CLHC1: variants seen among roughly 807,000 people sequenced by gnomAD.
CLHC1 encodes the protein clathrin heavy chain linker domain-containing protein 1.
In CLHC1, 72 loss-of-function variants were observed where a neutral mutation model predicts 69.5. The observed-to-expected ratio is 1.04, with a 90% confidence interval of 0.86 to 1.26. CLHC1 has a LOEUF of 1.26. Ranked by LOEUF, CLHC1 falls within the 50% of genes most tolerant of loss-of-function variation. CLHC1 has a pLI of 0.00. For synonymous variants in CLHC1, 223 were observed against 224.3 expected, an observed-to-expected ratio of 0.99 and a Z score of 0.05; for missense variants, 790 against 679.3, an observed-to-expected ratio of 1.16 and a Z score of -1.81.
chr2:55,201,243 TA>T (rs35586370), intron 9 of CLHC1, among the ~76,000 whole-genome samples: 472 of 141,172 alleles, frequency 3.3e-3, no homozygotes, highest in South Asian at 0.01. Context: ...ATGAAGAGTT[TA>T]AAAAAAAAAA....
At chr2:55,215,520 G>A (rs139345842) in intron 4 of CLHC1, among the ~76,000 whole-genome samples, 3 of 152,036 alleles carry the variant, frequency 2.0e-5, no homozygotes, top group Non-Finnish European at 4.4e-5. Flanking sequence ...AGAACATTTC[G>A]TTGGCCCCAG....
intron 3 of CLHC1, 121 bp from the exon 4 acceptor site, chr2:55,218,119 C>G (rs1390676876): frequency 1.9e-6 from 1 of 514,170 alleles, no homozygotes; most frequent in African/African-American, 2.0e-5. Flanking sequence ...AATTAGAAAT[C>G]TAAACTCTAC....
chr2:55,186,884 A>C (rs563006777), intron 9 of CLHC1, among the ~76,000 whole-genome samples: 1 of 152,330 alleles, frequency 6.6e-6, no homozygotes, highest in African/African-American at 2.4e-5. Context: ...TTCTAGAAAC[A>C]AAAGATATGA....
At chr2:55,230,689 T>C (rs966312974) in intron 1 of CLHC1, among the ~76,000 whole-genome samples, 1 of 151,496 alleles carries the variant, frequency 6.6e-6, no homozygotes, top group African/African-American at 2.4e-5. Flanking sequence ...AACTGAGAGG[T>C]GAAGTCTTTG....
intron 11 of CLHC1, among the ~76,000 whole-genome samples, chr2:55,180,011 G>A (rs1354526701): frequency 2.0e-5 from 3 of 151,998 alleles, no homozygotes; most frequent in Non-Finnish European, 2.9e-5. Context: ...AAAGTTAGCC[G>A]GGCGTAGTGG....
intron 4 of CLHC1, 138 bp from the exon 5 acceptor site, chr2:55,212,944 A>G (rs993424544): frequency 1.6e-6 from 1 of 639,702 alleles, no homozygotes; most frequent in Admixed American, 3.0e-5. Flanking sequence ...AAAGTTATCT[A>G]GCCTCACAAA....
chr2:55,208,751 A>C (rs1475460077), intron 7 of CLHC1, 41 bp from the exon 8 acceptor site: 1 of 1,347,682 alleles, frequency 7.4e-7, no homozygotes, highest in Non-Finnish European at 1.1e-6. Flanking sequence ...ATTTAAGGTT[A>C]CTTACCAATA....
At chr2:55,220,461 G>C (rs911071046) in intron 3 of CLHC1, among the ~76,000 whole-genome samples, 1 of 152,150 alleles carries the variant, frequency 6.6e-6, no homozygotes, top group Non-Finnish European at 1.5e-5. Context: ...CAGTCCTGAA[G>C]AACAGAATTC....
At position 55,208,776 on chromosome 2, in the gene CLHC1, T is replaced by C. The variant is rs1002775540; in HGVS notation, c.815-66A>G. On this transcript the variant is annotated intron_variant, in intron 7 of 12. Transcript: ENST00000401408. Reference sequence around the variant, plus strand: ...ACTTACCAATAGAAAACAATAAACATACATGTGTTTAATACCAACAGCTTA... The same window carrying C: ...ACTTACCAATAGAAAACAATAAACACACATGTGTTTAATACCAACAGCTTA... The C allele has an allele frequency of 5.5e-6, 6 of 1,089,140 alleles. No individual in the cohort carries two copies. The African/African-American group carries it at 9.3e-5, about 17-fold the overall frequency. The allele number at this position is 1,089,140 out of a possible 1,614,324, so 67.5% of individuals were successfully genotyped here.
intron 9 of CLHC1, among the ~76,000 whole-genome samples, chr2:55,197,395 C>T (rs913086048): frequency 1.3e-5 from 2 of 152,156 alleles, no homozygotes; most frequent in African/African-American, 2.4e-5. Context: ...TGGACAAGAC[C>T]CAGTGCTGTG....
At chr2:55,230,817 G>T (rs1241994493) in intron 1 of CLHC1, among the ~76,000 whole-genome samples, 3 of 152,188 alleles carry the variant, frequency 2.0e-5, no homozygotes, top group Non-Finnish European at 4.4e-5. Context: ...CATTACAAGA[G>T]CTATCCGATC....
chr2:55,174,802 CG>C lies in CLHC1; in HGVS notation c.*987del, dbSNP rs1669243399. ...TTTTTTCTTTTTTTAATAACAGAGA[CG>C]GGATCTCACTGTGTTACCTAGCTGG... On this transcript the variant is annotated 3_prime_UTR_variant, in exon 13 of 13. Transcript: ENST00000401408. 1 of 151,730 alleles carries C rather than the reference CG, an allele frequency of 6.6e-6. No individual in the cohort carries two copies. The highest frequency in any genetic ancestry group is 2.4e-5 in the African/African-American group (1 of 41,286). 9.4% of individuals were successfully genotyped at this position (151,730 alleles called of 1,614,324 possible). A position where few individuals can be genotyped will look rare whatever the true frequency, so the allele number is the denominator to read the frequency against.
chr2:55,194,007 C>G (rs1461471207), intron 9 of CLHC1, among the ~76,000 whole-genome samples: 3 of 152,210 alleles, frequency 2.0e-5, no homozygotes, highest in African/African-American at 7.2e-5. Context: ...TGAAAGAAAC[C>G]TGTAACAAAA....
intron 2 of CLHC1, among the ~76,000 whole-genome samples, 161 bp from the exon 3 acceptor site, chr2:55,222,654 T>C (rs1180529847): frequency 2.0e-5 from 3 of 152,072 alleles, no homozygotes; most frequent in African/African-American, 7.2e-5. Context: ...GCGTGGTGGC[T>C]CATGCCTGTA....
At chr2:55,210,875 G>T (rs1208989506) in intron 5 of CLHC1, among the ~76,000 whole-genome samples, 7 of 151,994 alleles carry the variant, frequency 4.6e-5, no homozygotes, top group Admixed American at 2.6e-4. Context: ...TATAGAGAGA[G>T]AGAGAGAGGC....
chr2:55,222,607 T>C (rs1674245469), intron 2 of CLHC1, 114 bp from the exon 3 acceptor site: 3 of 463,782 alleles, frequency 6.5e-6, no homozygotes, highest in Admixed American at 3.8e-5. Context: ...CTGTGATAAA[T>C]ACTTCAACCT....
At chr2:55,190,114 G>A (rs1025592397) in intron 9 of CLHC1, among the ~76,000 whole-genome samples, 2 of 151,528 alleles carry the variant, frequency 1.3e-5, no homozygotes, top group Admixed American at 6.6e-5. Flanking sequence ...GCGTGATCTC[G>A]GCTCACTGCA....
intron 8 of CLHC1, among the ~76,000 whole-genome samples, chr2:55,207,094 G>A (rs996479083): frequency 2.0e-5 from 3 of 151,514 alleles, no homozygotes; most frequent in Admixed American, 2.0e-4. Flanking sequence ...CAGCCTGGGC[G>A]ACAGAGTGAG....
At chr2:55,208,823 G>A in intron 7 of CLHC1, 113 bp from the exon 8 acceptor site, 1 of 567,158 alleles carries the variant, frequency 1.8e-6, no homozygotes. Context: ...CCTAACAGCA[G>A]CAACCTCTTC....
Sources: allele counts gnomAD v4.1 joint callset (sites outside exome capture counted in the v4.1 genomes callset), GRCh38; gene constraint gnomAD v4.1.1; transcripts MANE v1.5; gene names NCBI Gene and HGNC (gene_info 2026-07-23, HGNC 2026-07-21).